CCDC88C: variants seen among roughly 807,000 people sequenced by gnomAD.
CCDC88C encodes the protein coiled-coil and HOOK domain protein 88C.
A neutral mutation model predicts 198.8 loss-of-function variants in CCDC88C; 131 were observed. The ratio of observed to expected loss-of-function variants is 0.66; its 90% CI spans 0.57 to 0.76. CCDC88C has a LOEUF of 0.76. Ranked by LOEUF, CCDC88C falls within the 30% of genes least tolerant of loss-of-function variation. The pLI is 0.00. For synonymous variants in CCDC88C, 1,166 were observed against 1,114.7 expected, an observed-to-expected ratio of 1.05 and a Z score of -0.92; for missense variants, 2,553 against 2,631.6, an observed-to-expected ratio of 0.97 and a Z score of 0.65.
intron 18 of CCDC88C, among the ~76,000 whole-genome samples, 190 bp from the exon 19 acceptor site, chr14:91,306,116 A>C (rs975762663): frequency 6.6e-6 from 1 of 152,204 alleles, no homozygotes; most frequent in Non-Finnish European, 1.5e-5. Context: ...TAAAGGCTAC[A>C]CATCATGGGG....
At chr14:91,389,056 C>A (rs974898020) in intron 3 of CCDC88C, among the ~76,000 whole-genome samples, 1 of 152,118 alleles carries the variant, frequency 6.6e-6, no homozygotes, top group African/African-American at 2.4e-5. Flanking sequence ...GCACGCCAGC[C>A]CAACATGAGG....
In CCDC88C at chr14:91,417,769, C is replaced by CGGCACAA; in HGVS notation, c.-80_-79insTTGTGCC. The CGGCACAA allele has an allele frequency of 3.6e-5, 39 of 1,079,786 alleles. No homozygotes were observed. The highest frequency in any genetic ancestry group is 4.4e-5 in the Admixed American group (1 of 22,716). 66.9% of individuals were successfully genotyped at this position (1,079,786 alleles called of 1,614,324 possible). ...CGCGCCGCGGCACAAAACGGCTCCGCAGCGAGCAGCGGGCGCGGGGCTGCG... is the reference window on the plus strand; with the variant it reads ...CGCGCCGCGGCACAAAACGGCTCCGCGGCACAAAGCGAGCAGCGGGCGCGGGGCTGCG... On this transcript the variant is annotated 5_prime_UTR_variant, in exon 1 of 30. Transcript: ENST00000389857.
At position 91,273,427 on chromosome 14, in the gene CCDC88C, G is replaced by A. The variant is rs1432836421; in HGVS notation, c.5285C>T (p.Ala1762Val). The change falls in exon 30 of 30, where the codon GCC (alanine) becomes GTC (valine). Residue 1762 changes from alanine (A) to valine (V), a missense_variant. By Grantham distance (64) the Ala-to-Val change is moderately conservative. Around this residue, in one of 2 missense-constraint regions of CCDC88C, gnomAD observed 1,293 missense variants for 1,219.6 expected, o/e 1.06. Coordinates refer to ENST00000389857, the MANE Select transcript of CCDC88C (RefSeq NM_001080414.4). This position sits in a 1 kb window ranked among gnomAD's most constrained non-coding sequence, Gnocchi z 5.6. ...KPNFRLTEAEAPPSVAPRQAQ... is the reference protein window; with the variant it reads ...KPNFRLTEAEVPPSVAPRQAQ... ...CTGTCTCGGGGCCACGCTGGGTGGG[G>A]CCTCGGCCTCAGTCAGTCTGAAGTT... The A allele has an allele frequency of 3.2e-6, 5 of 1,574,806 alleles. No homozygotes were observed. The highest frequency in any genetic ancestry group is 4.3e-6 in the Non-Finnish European group (5 of 1,158,628).
chr14:91,381,823 C>G lies in CCDC88C; in HGVS notation c.271-22112G>C, dbSNP rs544703073. Among the ~76,000 whole-genome samples the G allele has an allele frequency of 1.1e-5, 1 of 89,810 alleles. No homozygotes were observed. The highest frequency in any genetic ancestry group is 2.7e-5 in the Non-Finnish European group (1 of 37,310). The allele number at this position is 89,810 out of a possible 152,430, so 58.9% of individuals were successfully genotyped here. ...AGGGCAACGGAGCAAGACTCTGTCT[C>G]GAAAAACAAAAACAACAAAAAACCG... is the stretch of plus-strand genomic sequence containing the variant. On this transcript the variant is annotated intron_variant, in intron 3 of 29. Coordinates refer to ENST00000389857, the MANE Select transcript of CCDC88C (RefSeq NM_001080414.4). This position sits in a 1 kb window ranked among gnomAD's most constrained non-coding sequence, Gnocchi z 4.2.
intron 2 of CCDC88C, among the ~76,000 whole-genome samples, 196 bp downstream of exon 2, chr14:91,416,542 G>A (rs1381814486): frequency 6.6e-6 from 1 of 152,002 alleles, no homozygotes; most frequent in Non-Finnish European, 1.5e-5. Flanking sequence ...CCAACTGCCA[G>A]ACCCACTGTC....
At chr14:91,355,249 A>G (rs941917) in intron 4 of CCDC88C, among the ~76,000 whole-genome samples, 91,948 of 151,984 alleles carry the variant, frequency 0.6, 29,683 homozygotes, top group Non-Finnish European at 0.71. Flanking sequence ...GACCCGGGAC[A>G]CCAGGCGACA....
chr14:91,393,414 G>C (rs74416581), intron 3 of CCDC88C, among the ~76,000 whole-genome samples: 4,260 of 152,278 alleles, frequency 0.028, 113 homozygotes, highest in Middle Eastern at 0.099. Context: ...CCCGAAGGAA[G>C]AAACAAGGGC....
chr14:91,299,316 G>A (rs1399625243), intron 21 of CCDC88C, among the ~76,000 whole-genome samples: 1 of 152,130 alleles, frequency 6.6e-6, no homozygotes, highest in Non-Finnish European at 1.5e-5. Flanking sequence ...TACAATTGTG[G>A]GTCATTTTAA....
intron 3 of CCDC88C, among the ~76,000 whole-genome samples, chr14:91,386,066 G>A (rs531055226): frequency 6.6e-6 from 1 of 152,124 alleles, no homozygotes; most frequent in Non-Finnish European, 1.5e-5. Flanking sequence ...GTAAAATGGG[G>A]ACAATACTTC....
At chr14:91,350,878 C>T (rs1893751947) in intron 4 of CCDC88C, among the ~76,000 whole-genome samples, 1 of 152,214 alleles carries the variant, frequency 6.6e-6, no homozygotes, top group Non-Finnish European at 1.5e-5. Flanking sequence ...TAAAAGCAAT[C>T]CCCCGAGGAC....
intron 29 of CCDC88C, 127 bp downstream of exon 29, chr14:91,277,795 A>T: frequency 9.2e-7 from 1 of 1,089,530 alleles, no homozygotes; most frequent in Non-Finnish European, 1.3e-6. Context: ...TCAGCCTCTC[A>T]TGTCCAAGCC....
In CCDC88C at chr14:91,388,870, A is replaced by T. The variant is rs1475358515; in HGVS notation, c.270+19789T>A. The stretch of plus-strand genomic sequence containing the variant: ...CACGAAAGCCACAGATTCCCTTCCA[A>T]GGGAAGGGCCACAGGCTCCGCAGGG... On this transcript the variant is annotated intron_variant, in intron 3 of 29. Transcript: ENST00000389857. Among the ~76,000 whole-genome samples, 4 of 152,142 alleles carry T rather than the reference A, an allele frequency of 2.6e-5. No homozygotes were observed. The East Asian group carries it at 7.7e-4, about 29-fold the overall frequency.
At chr14:91,350,305 C>T (rs1031925507) in intron 4 of CCDC88C, among the ~76,000 whole-genome samples, 18 of 152,112 alleles carry the variant, frequency 1.2e-4, no homozygotes, top group African/African-American at 3.9e-4. Flanking sequence ...GGACTACAGG[C>T]ACCCACCACC....
rs1891742982 is a variant in CCDC88C, at chr14:91,309,934, T to G, written c.2789A>C (p.Lys930Thr). The G allele has an allele frequency of 6.2e-7, 1 of 1,607,726 alleles. No individual in the cohort carries two copies. Residue 930 changes from lysine to threonine, a missense_variant, in exon 16 of 30, where the codon AAG becomes ACG. Physicochemically the swap from Lys to Thr is moderately conservative, Grantham distance 78 (BLOSUM62 -1). Transcript: ENST00000389857. ...GACCTTCTCCAGTTCCTGGCTCAGC[T>G]TGTCCAGCTCACTGCTGAGCTGCTG... ...KSQQLSSELD[K>T]LSQELEKVGL...
intron 13 of CCDC88C, among the ~76,000 whole-genome samples, chr14:91,318,687 G>A (rs745474026): frequency 6.6e-6 from 1 of 151,994 alleles, no homozygotes; most frequent in Non-Finnish European, 1.5e-5. Flanking sequence ...ACATTGGGAC[G>A]CTGAGGTGGG....
intron 3 of CCDC88C, among the ~76,000 whole-genome samples, chr14:91,396,165 T>C (rs1031674167): frequency 2.6e-5 from 4 of 152,126 alleles, no homozygotes; most frequent in Admixed American, 6.5e-5. Context: ...TAACAAAAAC[T>C]GTTACGAGCC....
intron 4 of CCDC88C, among the ~76,000 whole-genome samples, chr14:91,353,559 G>C (rs1169596196): frequency 6.6e-6 from 1 of 152,216 alleles, no homozygotes; most frequent in Non-Finnish European, 1.5e-5. Flanking sequence ...CTAAGATGAG[G>C]AAGGATGAAA....
At position 91,408,612 on chromosome 14, in the gene CCDC88C, T is replaced by C. The variant is rs2295882; in HGVS notation, c.270+47A>G. On this transcript the variant is annotated intron_variant, in intron 3 of 29. Coordinates refer to ENST00000389857, the MANE Select transcript of CCDC88C (RefSeq NM_001080414.4). ...TGTGGGAAAACCGTGACAGTGACGA[T>C]ACTGATGGACACACATCAGAATTCC... 0.21 allele frequency: 249,657 copies of C among 1,193,504 alleles called. 29,396 individuals are homozygous for C. Among genetic ancestry groups the C allele is most frequent in the Non-Finnish European group, 0.25 (200,170 of 800,224 alleles). 73.9% of individuals were successfully genotyped at this position (1,193,504 alleles called of 1,614,324 possible).
Position 91,343,726 on chromosome 14 carries a change from T to C in CCDC88C, c.341-69A>G. ...TATAATTTCAGTGACATGTTTACCG[T>C]AGGGAAAAAACAGATAAAAAAAAAT... On this transcript the variant is annotated intron_variant, in intron 4 of 29. Transcript: ENST00000389857. The C allele has an allele frequency of 1.9e-6, 3 of 1,590,612 alleles. 1 individual carries two copies. The highest frequency in any genetic ancestry group is 2.2e-5 in the South Asian group (2 of 89,010).
Sources: gnomAD v4.1 joint callset for allele counts (sites outside exome capture counted in the v4.1 genomes callset) on GRCh38, gnomAD v4.1.1 for gene constraint, gnomAD v4.1.1 regional missense constraint, Gnocchi (gnomAD v3.1) non-coding constraint, MANE v1.5 for transcripts, NCBI Gene and HGNC (gene_info 2026-07-23, HGNC 2026-07-21) for gene names.